Variants in PAX7 observed in about 807,000 individuals in gnomAD.
PAX7 encodes paired box 7.
PAX7 carries 18 observed loss-of-function variants against 50.7 expected under a neutral mutation model. The ratio of observed to expected loss-of-function variants is 0.36; its 90% CI spans 0.25 to 0.53. The LOEUF is 0.53. Among genes scored for constraint, PAX7 ranks in the 20% least tolerant of loss-of-function variants. PAX7 has a pLI of 0.93. For missense variants in PAX7, 644 were observed against 702.9 expected, an observed-to-expected ratio of 0.92 and a Z score of 0.95; for synonymous variants, 310 against 290.4, an observed-to-expected ratio of 1.07 and a Z score of -0.69.
chr1:18,688,853 G>T (rs1343656968), intron 4 of PAX7, among the ~76,000 whole-genome samples: 1 of 152,210 alleles, frequency 6.6e-6, no homozygotes, highest in Non-Finnish European at 1.5e-5. Flanking sequence ...GATGGAGGCT[G>T]CAGTGAGCAG....
At chr1:18,675,990 C>A (rs1207566148) in intron 4 of PAX7, among the ~76,000 whole-genome samples, 3 of 152,102 alleles carry the variant, frequency 2.0e-5, no homozygotes. Flanking sequence ...CGCTCAGGAC[C>A]AAGTTTTCCA....
chr1:18,640,773 C>A (rs1311936470), intron 4 of PAX7, among the ~76,000 whole-genome samples: 1 of 151,120 alleles, frequency 6.6e-6, no homozygotes, highest in East Asian at 2.0e-4. Context: ...TTAGGCAGCG[C>A]TCGGCGGTGG....
At chr1:18,653,747 C>T (rs982848550) in intron 4 of PAX7, among the ~76,000 whole-genome samples, 1 of 151,876 alleles carries the variant, frequency 6.6e-6, no homozygotes, top group African/African-American at 2.4e-5. Context: ...GAGGCCAAGT[C>T]ATCTGCTTGA....
At chr1:18,691,455 A>G (rs1427312592) in intron 4 of PAX7, among the ~76,000 whole-genome samples, 1 of 152,186 alleles carries the variant, frequency 6.6e-6, no homozygotes, top group Non-Finnish European at 1.5e-5. Flanking sequence ...AAAATGCCCA[A>G]CCAGAGGGGA....
intron 7 of PAX7, among the ~76,000 whole-genome samples, chr1:18,709,914 G>A (rs2089329961): frequency 6.6e-6 from 1 of 152,154 alleles, no homozygotes; most frequent in Non-Finnish European, 1.5e-5. Flanking sequence ...GTCCCCAAAC[G>A]CCAAGCTTCC....
At chr1:18,649,318 G>A (rs1350165540) in intron 4 of PAX7, among the ~76,000 whole-genome samples, 3 of 152,224 alleles carry the variant, frequency 2.0e-5, no homozygotes, top group Non-Finnish European at 2.9e-5. Context: ...GCAGTTCATC[G>A]CCCTTCGTGT....
At chr1:18,685,322 T>A (rs2088959302) in intron 4 of PAX7, among the ~76,000 whole-genome samples, 1 of 152,002 alleles carries the variant, frequency 6.6e-6, no homozygotes, top group Non-Finnish European at 1.5e-5. Flanking sequence ...TGTGTCAGAG[T>A]TTAAGAGAGA....
At chr1:18,695,896 A>G (rs2089143699) in intron 5 of PAX7, among the ~76,000 whole-genome samples, 1 of 152,092 alleles carries the variant, frequency 6.6e-6, no homozygotes, top group Non-Finnish European at 1.5e-5. Context: ...AGGGCAGTGT[A>G]CAACGCCTCT....
At chr1:18,729,548 G>T (rs1002039946) in intron 7 of PAX7, among the ~76,000 whole-genome samples, 1 of 152,208 alleles carries the variant, frequency 6.6e-6, no homozygotes, top group Non-Finnish European at 1.5e-5. Flanking sequence ...TATCCTGCCC[G>T]TTAACTGGGG....
At position 18,735,712 on chromosome 1, in the gene PAX7, C is replaced by A; in HGVS notation, c.1236C>A (p.Gly412=). 1.2e-6 allele frequency: 2 copies of A among 1,614,120 alleles called. No individual in the cohort carries two copies. The highest frequency in any genetic ancestry group is 2.7e-5 in the African/African-American group (2 of 75,068). Residue 412 remains glycine (G), a synonymous_variant, in exon 8 of 9, where the codon GGC becomes GGA. Transcript: ENST00000420770. The surrounding 1 kb of genome is among the most constrained non-coding windows in gnomAD (Gnocchi z 4.0). ...ADFSISPLHG[G]LDSATSISAS... The stretch of plus-strand genomic sequence containing the variant: ...TCTCCATCTCCCCGCTGCATGGCGG[C>A]CTGGACTCGGCCACCTCCATCTCAG...
intron 7 of PAX7, among the ~76,000 whole-genome samples, chr1:18,730,805 G>A (rs2089636594): frequency 6.6e-6 from 1 of 152,172 alleles, no homozygotes. Flanking sequence ...AAACCAGCAA[G>A]CCTCTCCCCA....
At chr1:18,692,010 T>C (rs1379135785) in intron 5 of PAX7, 57 bp downstream of exon 5, 2 of 1,538,588 alleles carry the variant, frequency 1.3e-6, no homozygotes, top group South Asian at 1.2e-5. Flanking sequence ...TTCAGAAGTT[T>C]GGGATGGCCA....
chr1:18,667,238 T>C (rs1266928552), intron 4 of PAX7, among the ~76,000 whole-genome samples: 1 of 151,886 alleles, frequency 6.6e-6, no homozygotes, highest in Non-Finnish European at 1.5e-5. Context: ...TTGGGGAAAA[T>C]AATAATTGCC....
At position 18,672,324 on chromosome 1, in the gene PAX7, C is replaced by T. The variant is rs149166940; in HGVS notation, c.587-19430C>T. Among the ~76,000 whole-genome samples the T allele has an allele frequency of 9.0e-3, 1,369 of 152,276 alleles. 18 individuals are homozygous for T. Among genetic ancestry groups the T allele is most frequent in the African/African-American group, 0.031 (1,303 of 41,542 alleles). On this transcript the variant is annotated intron_variant, in intron 4 of 8. Transcript: ENST00000420770. ...TAGCCTCTGAGACCACCAAGCCATCCCCTTCCCCCATCTCTTACAGAATAC... is the reference window on the plus strand; with the variant it reads ...TAGCCTCTGAGACCACCAAGCCATCTCCTTCCCCCATCTCTTACAGAATAC...
intron 7 of PAX7, among the ~76,000 whole-genome samples, chr1:18,724,083 C>T (rs529880079): frequency 4.6e-5 from 7 of 152,362 alleles, no homozygotes; most frequent in African/African-American, 1.2e-4. Context: ...GCTGCGTGCT[C>T]GGTGGGCCGG....
intron 8 of PAX7, 146 bp downstream of exon 8, chr1:18,736,024 G>A: frequency 6.4e-7 from 1 of 1,556,410 alleles, no homozygotes; most frequent in East Asian, 2.3e-5. Context: ...CCAGCCAGAT[G>A]GAACAGTTCA....
chr1:18,652,737 G>A (rs2088452921), intron 4 of PAX7, among the ~76,000 whole-genome samples: 2 of 152,218 alleles, frequency 1.3e-5, no homozygotes, highest in Admixed American at 1.3e-4. Context: ...CCCATTAGTA[G>A]ATACAGAAAT....
At position 18,634,593 on chromosome 1, in the gene PAX7, T is replaced by C; in HGVS notation, c.321+55T>C. 6.8e-7 allele frequency: 1 copy of C among 1,480,380 alleles called. No homozygotes were observed. Among genetic ancestry groups the C allele is most frequent in the Non-Finnish European group, 9.4e-7 (1 of 1,067,334 alleles). 91.7% of individuals were successfully genotyped at this position (1,480,380 alleles called of 1,614,324 possible). ...CTGGCTTCCTATAGTCGGGGGCTCCTGGTTGTGGCCCCTCTTACTACCTCG... is the reference window on the plus strand; with the variant it reads ...CTGGCTTCCTATAGTCGGGGGCTCCCGGTTGTGGCCCCTCTTACTACCTCG... On this transcript the variant is annotated intron_variant, in intron 2 of 8. Transcript: ENST00000420770. The surrounding 1 kb of genome is among the most constrained non-coding windows in gnomAD (Gnocchi z 4.0).
In PAX7 at chr1:18,700,811, C is replaced by T; in HGVS notation, c.945C>T (p.Ile315=). 1 of 1,530,098 alleles carries T rather than the reference C, an allele frequency of 6.5e-7. No individual in the cohort carries two copies. The highest frequency in any genetic ancestry group is 8.8e-7 in the Non-Finnish European group (1 of 1,136,310). The allele number at this position is 1,530,098 out of a possible 1,614,324, so 94.8% of individuals were successfully genotyped here. A position where few individuals can be genotyped will look rare whatever the true frequency, so the allele number is the denominator to read the frequency against. The change falls in exon 6 of 9, where the codon ATC becomes ATT. Residue 315 remains isoleucine, a synonymous_variant. Transcript: ENST00000420770. This position sits in a 1 kb window ranked among gnomAD's most constrained non-coding sequence, Gnocchi z 4.8. The part of the protein sequence containing the change: ...LPDSTYPTTT[I]SQDGGSTVHR... ...ACTCCACCTACCCCACCACCACCAT[C>T]TCCCAAGGTGAGTGTCTTGGCCCCG...
Sources: gnomAD v4.1 joint callset for allele counts (sites outside exome capture counted in the v4.1 genomes callset) on GRCh38, gnomAD v4.1.1 for gene constraint, Gnocchi (gnomAD v3.1) non-coding constraint, MANE v1.5 for transcripts, NCBI Gene and HGNC (gene_info 2026-07-23, HGNC 2026-07-21) for gene names.